Variants in KIAA0232 observed in about 807,000 individuals in gnomAD.
KIAA0232 encodes the protein KIAA0232, also known as uncharacterized protein KIAA0232.
In KIAA0232, 27 loss-of-function variants were observed where a neutral mutation model predicts 122.0. The ratio of observed to expected loss-of-function variants is 0.22; its 90% CI spans 0.16 to 0.31. The LOEUF is 0.31. Ranked by LOEUF, KIAA0232 falls within the 10% of genes least tolerant of loss-of-function variation. The pLI is 1.00. For synonymous variants in KIAA0232, 613 were observed against 587.6 expected, an observed-to-expected ratio of 1.04 and a Z score of -0.63; for missense variants, 1,551 against 1,634.2, an observed-to-expected ratio of 0.95 and a Z score of 0.88.
In KIAA0232 at chr4:6,795,066, A is replaced by ATGTTTTGTTTTGTTTTGTTT. The variant is rs59110833; in HGVS notation, c.-353-9455_-353-9436dup. Among the ~76,000 whole-genome samples the ATGTTTTGTTTTGTTTTGTTT allele has an allele frequency of 7.4e-3, 1,126 of 151,974 alleles. 15 individuals carry two copies. Among genetic ancestry groups the ATGTTTTGTTTTGTTTTGTTT allele is most frequent in the African/African-American group, 0.025 (1,050 of 41,388 alleles). On this transcript the variant is annotated intron_variant, in intron 1 of 9. Coordinates refer to ENST00000307659, the MANE Select transcript of KIAA0232 (RefSeq NM_014743.3). ...GTTAAATAAGGCAGCCACAAGCCAC[A>ATGTTTTGTTTTGTTTTGTTT]TGTTTTGTTTTGTTTTGTTTTTGAG...
rs181274078 is a variant in KIAA0232 at position 6,871,464 on chromosome 4, C to T, written c.3802-110C>T. ...GAAAGAAAGAAAAATCAAAAAACCT[C>T]ACCAGTTTAAAAGTTCTGGGTTTAT... On this transcript the variant is annotated intron_variant, in intron 7 of 9. Transcript: ENST00000307659. The T allele has an allele frequency of 1.8e-5, 12 of 649,280 alleles. No individual in the cohort carries two copies. In the African/African-American group the frequency reaches 2.2e-4, roughly 12 times the overall value. The allele number at this position is 649,280 out of a possible 1,614,324, so 40.2% of individuals were successfully genotyped here. A position where few individuals can be genotyped will look rare whatever the true frequency, so the allele number is the denominator to read the frequency against.
At chr4:6,787,562 C>T (rs1288258723) in intron 1 of KIAA0232, among the ~76,000 whole-genome samples, 1 of 152,200 alleles carries the variant, frequency 6.6e-6, no homozygotes, top group African/African-American at 2.4e-5. Context: ...GCCTGGAAAC[C>T]TTTAGAGACT....
At chr4:6,802,550 C>T (rs554521755) in intron 1 of KIAA0232, among the ~76,000 whole-genome samples, 1 of 151,442 alleles carries the variant, frequency 6.6e-6, no homozygotes, top group East Asian at 1.9e-4. Context: ...CCCCCCCAAC[C>T]CACCAGCCCC....
At chr4:6,790,392 C>CTTTTTT (rs10532360) in intron 1 of KIAA0232, among the ~76,000 whole-genome samples, 1 of 109,366 alleles carries the variant, frequency 9.1e-6, no homozygotes, top group Non-Finnish European at 1.9e-5. Flanking sequence ...TAAAAAAGGT[C>CTTTTTT]TTTTTTTTTT....
intron 4 of KIAA0232, among the ~76,000 whole-genome samples, chr4:6,845,445 G>T (rs559694148): frequency 6.6e-6 from 1 of 152,098 alleles, no homozygotes; most frequent in Non-Finnish European, 1.5e-5. Context: ...ATCCTCCCGC[G>T]TCGGCCTCTC....
intron 7 of KIAA0232, among the ~76,000 whole-genome samples, chr4:6,868,565 G>A (rs1423833314): frequency 6.6e-6 from 1 of 152,194 alleles, no homozygotes; most frequent in Admixed American, 6.5e-5. Flanking sequence ...AGGTAAGAGA[G>A]TGAGCTGAGA....
At chr4:6,838,175 G>A (rs1023977155) in intron 3 of KIAA0232, among the ~76,000 whole-genome samples, 2 of 145,404 alleles carry the variant, frequency 1.4e-5, no homozygotes, top group African/African-American at 2.6e-5. Flanking sequence ...TAAGTATGAG[G>A]GTAACAAAGA....
At chr4:6,815,747 A>G (rs1030264998) in intron 2 of KIAA0232, among the ~76,000 whole-genome samples, 4 of 151,518 alleles carry the variant, frequency 2.6e-5, no homozygotes, top group Admixed American at 1.3e-4. Flanking sequence ...ACTCATGACT[A>G]TAGATATAAC....
At chr4:6,839,687 G>GC (rs1302404207) in intron 3 of KIAA0232, among the ~76,000 whole-genome samples, 2 of 152,154 alleles carry the variant, frequency 1.3e-5, no homozygotes, top group African/African-American at 4.8e-5. Context: ...TCAGAGTGGG[G>GC]CAGGCCCGCA....
Position 6,854,144 on chromosome 4 carries a change from A to T in KIAA0232, c.370-3020A>T, listed in dbSNP as rs1014177675. 2.6e-5 allele frequency among the ~76,000 whole-genome samples: 4 copies of T among 152,342 alleles called. No individual in the cohort carries two copies. In the East Asian group the frequency reaches 7.7e-4, roughly 29 times the overall value. On this transcript the variant is annotated intron_variant, in intron 4 of 9. Coordinates refer to ENST00000307659, the MANE Select transcript of KIAA0232 (RefSeq NM_014743.3). ...CATTTTTGAAGTGATGAATCAAAAA[A>T]CAAGATTGTAGAAAATTAAAGACGT...
intron 4 of KIAA0232, among the ~76,000 whole-genome samples, chr4:6,851,906 G>A (rs1179941224): frequency 3.3e-5 from 5 of 152,122 alleles, no homozygotes; most frequent in Non-Finnish European, 5.9e-5. Flanking sequence ...GGTCTCGTAA[G>A]TCCAGATCAT....
At chr4:6,813,895 G>T (rs1717995104) in intron 2 of KIAA0232, among the ~76,000 whole-genome samples, 1 of 152,072 alleles carries the variant, frequency 6.6e-6, no homozygotes, top group Non-Finnish European at 1.5e-5. Context: ...AGTGAGCCTG[G>T]CTTGACGTCT....
At position 6,863,257 on chromosome 4, in the gene KIAA0232, T is replaced by C. The variant is rs1348011010; in HGVS notation, c.2875T>C (p.Leu959=). The C allele has an allele frequency of 2.5e-6, 4 of 1,613,964 alleles. No homozygotes were observed. Among genetic ancestry groups the C allele is most frequent in the Non-Finnish European group, 2.5e-6 (3 of 1,180,042 alleles). The stretch of plus-strand genomic sequence containing the variant: ...ACCTAGTCACACAAAAGGAAGTCTG[T>C]TACAGTGTGCAGCTTCTGATGTTGT... ...VPPSHTKGSL[L]QCAASDVVTI... Residue 959 remains leucine, a synonymous_variant, in exon 7 of 10, where the codon TTA becomes CTA. Coordinates refer to ENST00000307659, the MANE Select transcript of KIAA0232 (RefSeq NM_014743.3).
intron 3 of KIAA0232, among the ~76,000 whole-genome samples, chr4:6,829,392 C>A (rs1348425964): frequency 6.6e-6 from 1 of 152,128 alleles, no homozygotes; most frequent in Non-Finnish European, 1.5e-5. Flanking sequence ...ATGTTCCTTG[C>A]CTGAATCAGT....
intron 4 of KIAA0232, among the ~76,000 whole-genome samples, chr4:6,849,558 G>A (rs953545830): frequency 5.3e-5 from 8 of 152,172 alleles, no homozygotes; most frequent in Admixed American, 3.3e-4. Flanking sequence ...AGAGGTTCCC[G>A]TGAGCTGAGA....
intron 3 of KIAA0232, 114 bp downstream of exon 3, chr4:6,824,798 C>A: frequency 4.7e-6 from 4 of 857,976 alleles, no homozygotes; most frequent in Non-Finnish European, 5.5e-6. Flanking sequence ...TGTGTGCAAA[C>A]ATTTAACCTG....
rs749358914 is a variant in KIAA0232, at chr4:6,860,883, C to G, written c.519-18C>G. On this transcript the variant is annotated intron_variant, in intron 6 of 9. Transcript: ENST00000307659. ...AATCTGCATACTCGTGTTTTGAAGTCTTTACTCTGTTTTTCAGGTACTATG... is the reference window on the plus strand; with the variant it reads ...AATCTGCATACTCGTGTTTTGAAGTGTTTACTCTGTTTTTCAGGTACTATG... 3 of 1,602,174 alleles carry G rather than the reference C, an allele frequency of 1.9e-6. No homozygotes were observed. The South Asian group carries it at 3.4e-5, about 18-fold the overall frequency.
intron 3 of KIAA0232, among the ~76,000 whole-genome samples, chr4:6,840,550 T>C (rs1719591528): frequency 6.6e-6 from 1 of 152,194 alleles, no homozygotes; most frequent in Non-Finnish European, 1.5e-5. Context: ...ACTCTAGCCT[T>C]ACGTGACCTC....
chr4:6,863,379 T>A lies in KIAA0232; in HGVS notation c.2997T>A (p.Asn999Lys), dbSNP rs967670391. ...LWKPFVSFEQNDQPKSGENGL... is the reference protein window; with the variant it reads ...LWKPFVSFEQKDQPKSGENGL... Reference sequence around the variant, plus strand: ...AACCCTTCGTGTCATTTGAACAGAATGATCAGCCGAAGAGTGGGGAAAATG... The same window carrying A: ...AACCCTTCGTGTCATTTGAACAGAAAGATCAGCCGAAGAGTGGGGAAAATG... The change falls in exon 7 of 10, where the codon AAT (asparagine) becomes AAA (lysine). Residue 999 changes from asparagine to lysine, a missense_variant. This residue lies in a region of KIAA0232 where 1,108 missense variants were observed against 1,154.8 expected (regional missense o/e 0.96). Transcript: ENST00000307659. 1 of 1,614,072 alleles carries A rather than the reference T, an allele frequency of 6.2e-7. No individual in the cohort carries two copies. The highest frequency in any genetic ancestry group is 8.5e-7 in the Non-Finnish European group (1 of 1,180,042).
Sources: gnomAD v4.1 joint callset for allele counts (sites outside exome capture counted in the v4.1 genomes callset) on GRCh38, gnomAD v4.1.1 for gene constraint, gnomAD v4.1.1 regional missense constraint, MANE v1.5 for transcripts, NCBI Gene and HGNC (gene_info 2026-07-23, HGNC 2026-07-21) for gene names.